The following AADAC variants were observed in gnomAD, a reference collection of about 807,000 sequenced individuals.
AADAC encodes arylacetamide deacetylase, also known as arylacetamide deacetylase (esterase).
A neutral mutation model predicts 22.7 loss-of-function variants in AADAC; 17 were observed. That is an observed-to-expected ratio of 0.75 (90% confidence interval 0.51 to 1.12). The LOEUF is 1.12. Ranked by LOEUF, AADAC falls within the 50% of genes most tolerant of loss-of-function variation. The pLI, the probability that AADAC is intolerant of heterozygous loss-of-function variation, is 0.00. For missense variants in AADAC, 465 were observed against 473.9 expected, an observed-to-expected ratio of 0.98 and a Z score of 0.17; for synonymous variants, 167 against 176.3, an observed-to-expected ratio of 0.95 and a Z score of 0.42.
chr3:151,822,111 C>A (rs1347778311), intron 3 of AADAC, among the ~76,000 whole-genome samples: 1 of 151,792 alleles, frequency 6.6e-6, no homozygotes, highest in East Asian at 1.9e-4. Flanking sequence ...AAATGCAAAT[C>A]AAAACCACAA....
chr3:151,817,718 G>T (rs13098608), intron 2 of AADAC, 130 bp downstream of exon 2: 119,075 of 793,288 alleles, frequency 0.15, 9,909 homozygotes, highest in African/African-American at 0.21. Flanking sequence ...CTTTGTTCTG[G>T]CAAAGTTTTA....
Position 151,820,632 on chromosome 3 carries a change from C to T in AADAC, c.431+180C>T, listed in dbSNP as rs549829721. On this transcript the variant is annotated intron_variant, in intron 3 of 4. Coordinates refer to ENST00000232892, the MANE Select transcript of AADAC (RefSeq NM_001086.3). Reference sequence around the variant, plus strand: ...TCCCGGGTTCAAGTGATTCTCATACCTCAGCCTCCCGAGTAGCTGGGATTA... The same window carrying T: ...TCCCGGGTTCAAGTGATTCTCATACTTCAGCCTCCCGAGTAGCTGGGATTA... 7.0e-5 allele frequency among the ~76,000 whole-genome samples: 10 copies of T among 142,370 alleles called. No homozygotes were observed. The Admixed American group carries it at 7.2e-4, about 10-fold the overall frequency. 93.4% of individuals were successfully genotyped at this position (142,370 alleles called of 152,430 possible). A position where few individuals can be genotyped will look rare whatever the true frequency, so the allele number is the denominator to read the frequency against.
Position 151,817,378 on chromosome 3 carries a change from G to A in AADAC, c.151G>A (p.Glu51Lys). The change falls in exon 2 of 5, where the codon GAG becomes AAG. Residue 51 changes from glutamate to lysine, a missense_variant. Transcript: ENST00000232892. The part of the protein sequence containing the change: ...KTIQNLATFV[E>K]LLGLHHFMDS... ...ATTTCATTTTTAGGCTACATTTGTG[G>A]AGCTCCTGGGACTTCACCATTTTAT... is the stretch of plus-strand genomic sequence containing the variant. The A allele has an allele frequency of 6.2e-7, 1 of 1,612,480 alleles. No homozygotes were observed. The highest frequency in any genetic ancestry group is 1.1e-5 in the South Asian group (1 of 90,996).
In AADAC at chr3:151,827,925, G is replaced by C. The variant is rs201316472; in HGVS notation, c.953G>C (p.Arg318Thr). The C allele has an allele frequency of 1.9e-6, 3 of 1,611,308 alleles. No individual in the cohort carries two copies. The highest frequency in any genetic ancestry group is 8.5e-7 in the Non-Finnish European group (1 of 1,178,342). Residue 318 changes from arginine to threonine, a missense_variant, in exon 5 of 5, where the codon AGG (arginine) becomes ACG (threonine). Transcript: ENST00000232892. ...AAATATCCAGGGTTCCTAGATGTGA[G>C]GGCAGCCCCTTTGTTGGCTGATGAC... The part of the protein sequence containing the change: ...AKKYPGFLDV[R>T]AAPLLADDNK...
At chr3:151,817,040 CA>C (rs1202647674) in intron 1 of AADAC, among the ~76,000 whole-genome samples, 1 of 152,020 alleles carries the variant, frequency 6.6e-6, no homozygotes, top group Non-Finnish European at 1.5e-5. Context: ...TCTACAGATG[CA>C]AATCACCTCC....
chr3:151,826,913 T>C (rs747244964), intron 4 of AADAC, among the ~76,000 whole-genome samples: 1 of 151,934 alleles, frequency 6.6e-6, no homozygotes, highest in Non-Finnish European at 1.5e-5. Context: ...TACTGGTATA[T>C]TTTAATAATA....
At chr3:151,824,995 A>C in intron 4 of AADAC, 161 bp downstream of exon 4, 1 of 525,226 alleles carries the variant, frequency 1.9e-6, no homozygotes, top group Non-Finnish European at 3.0e-6. Context: ...AATGACTAAA[A>C]CATTATAATA....
intron 1 of AADAC, among the ~76,000 whole-genome samples, chr3:151,816,908 A>G (rs1039886536): frequency 6.6e-6 from 1 of 152,090 alleles, no homozygotes; most frequent in African/African-American, 2.4e-5. Flanking sequence ...CACAGGTAGC[A>G]GCCCTCAGAG....
rs976238119 is a variant in AADAC, at chr3:151,826,577, T to G, written c.604-999T>G. ...TCTGTACTTTTATTTAGAAGTTCTA[T>G]ACATCTTTTATAGTATATTACACAC... is the stretch of plus-strand genomic sequence containing the variant. On this transcript the variant is annotated intron_variant, in intron 4 of 4. Coordinates refer to ENST00000232892, the MANE Select transcript of AADAC (RefSeq NM_001086.3). Among the ~76,000 whole-genome samples the G allele has an allele frequency of 2.0e-5, 3 of 151,982 alleles. No homozygotes were observed. The East Asian group carries it at 5.8e-4, about 29-fold the overall frequency.
In AADAC at chr3:151,825,619, T is replaced by C. The variant is rs1364493973; in HGVS notation, c.603+785T>C. ...CCATGCTACTTACAAAGAAGAAATA[T>C]GAAGAATTCAAAAGATTTTTGTATG... On this transcript the variant is annotated intron_variant, in intron 4 of 4. Coordinates refer to ENST00000232892, the MANE Select transcript of AADAC (RefSeq NM_001086.3). Among the ~76,000 whole-genome samples, 3 of 151,818 alleles carry C rather than the reference T, an allele frequency of 2.0e-5. No individual in the cohort carries two copies. In the South Asian group the frequency reaches 6.2e-4, roughly 31 times the overall value.
chr3:151,819,407 T>C (rs370630645), intron 2 of AADAC, among the ~76,000 whole-genome samples: 3 of 152,052 alleles, frequency 2.0e-5, no homozygotes, highest in African/African-American at 7.2e-5. Flanking sequence ...CTTGCTGACA[T>C]GATGGGATAT....
intron 2 of AADAC, 58 bp downstream of exon 2, chr3:151,817,646 A>C: frequency 6.9e-7 from 1 of 1,450,544 alleles, no homozygotes; most frequent in Non-Finnish European, 9.6e-7. Flanking sequence ...CATTTTACTA[A>C]GTCTTCAGTA....
Position 151,814,216 on chromosome 3 carries a change from T to C in AADAC, c.54T>C (p.Tyr18=), listed in dbSNP as rs770258049. The part of the protein sequence containing the change: ...LLIVGILIAY[Y]IYTPLPDNVE... ...TTGTGGGGATCCTCATAGCATATTA[T>C]ATTTATACGCCTCTCCCAGATAACG... The change falls in exon 1 of 5, where the codon TAT becomes TAC. Residue 18 remains tyrosine (Y), a synonymous_variant. Coordinates refer to ENST00000232892, the MANE Select transcript of AADAC (RefSeq NM_001086.3). 6 of 1,613,282 alleles carry C rather than the reference T, an allele frequency of 3.7e-6. No homozygotes were observed. The highest frequency in any genetic ancestry group is 5.1e-6 in the Non-Finnish European group (6 of 1,179,402).
At chr3:151,824,390 G>C (rs1227579718) in intron 3 of AADAC, among the ~76,000 whole-genome samples, 1 of 151,888 alleles carries the variant, frequency 6.6e-6, no homozygotes, top group Non-Finnish European at 1.5e-5. Flanking sequence ...AATTTATGCT[G>C]TTATGTCAAA....
intron 3 of AADAC, 66 bp from the exon 4 acceptor site, chr3:151,824,597 C>T (rs1716393835): frequency 1.1e-5 from 14 of 1,272,428 alleles, no homozygotes; most frequent in African/African-American, 3.2e-5. Flanking sequence ...ACTTTTGCAC[C>T]AATAATATAT....
At position 151,828,455 on chromosome 3, in the gene AADAC, C is replaced by T. The variant is rs998855044; in HGVS notation, c.*283C>T. On this transcript the variant is annotated 3_prime_UTR_variant, in exon 5 of 5. Transcript: ENST00000232892. ...ATTTTTGTGAGTTGGCTACTATTTA[C>T]GATGCAAGAGAATAAATGTGAGCAA... 2.1e-4 allele frequency: 38 copies of T among 180,034 alleles called. No homozygotes were observed. The highest frequency in any genetic ancestry group is 4.5e-4 in the African/African-American group (19 of 42,488). 11.2% of individuals were successfully genotyped at this position (180,034 alleles called of 1,614,324 possible).
intron 4 of AADAC, among the ~76,000 whole-genome samples, chr3:151,825,368 G>A (rs1336620044): frequency 6.6e-6 from 1 of 151,822 alleles, no homozygotes; most frequent in Non-Finnish European, 1.5e-5. Flanking sequence ...ACTCCAGCCT[G>A]GGTGACAGAA....
Position 151,820,421 on chromosome 3 carries a change from G to A in AADAC, c.400G>A (p.Asp134Asn), listed in dbSNP as rs1716191629. Reference sequence around the variant, plus strand: ...TGACTTGCTGTCAAGATGGACAGCAGACAGACTTGATGCTGTCGTCGTATC... The same window carrying A: ...TGACTTGCTGTCAAGATGGACAGCAAACAGACTTGATGCTGTCGTCGTATC... ...GYDLLSRWTA[D>N]RLDAVVVSTN... The change falls in exon 3 of 5, where the codon GAC becomes AAC. Residue 134 changes from aspartate to asparagine, a missense_variant. By Grantham distance (23) the Asp-to-Asn change is conservative. Coordinates refer to ENST00000232892, the MANE Select transcript of AADAC (RefSeq NM_001086.3). 2 of 1,587,028 alleles carry A rather than the reference G, an allele frequency of 1.3e-6. No individual in the cohort carries two copies. The highest frequency in any genetic ancestry group is 8.6e-7 in the Non-Finnish European group (1 of 1,164,654).
rs374666475 is a variant in AADAC, at chr3:151,817,568, G to A, written c.341G>A (p.Gly114Asp). The change falls in exon 2 of 5, where the codon GGC (glycine) becomes GAC (aspartate). Residue 114 changes from glycine (G) to aspartate (D), a missense_variant. Transcript: ENST00000232892. ...RRGLFYIHGG[G>D]WCVGSAALSG... ...GGGTTGTTTTACATCCATGGTGGAG[G>A]CTGGTGCGTGGGAAGTGCTGGTAAG... The A allele has an allele frequency of 1.2e-6, 2 of 1,613,462 alleles. No homozygotes were observed. Among genetic ancestry groups the A allele is most frequent in the Non-Finnish European group, 1.7e-6 (2 of 1,179,610 alleles).
Sources: allele counts gnomAD v4.1 joint callset (sites outside exome capture counted in the v4.1 genomes callset), GRCh38; gene constraint gnomAD v4.1.1; transcripts MANE v1.5; gene names NCBI Gene and HGNC (gene_info 2026-07-23, HGNC 2026-07-21).